Variants in TEX14 observed in about 807,000 individuals in gnomAD.
TEX14 encodes the protein testis expressed 14, intercellular bridge forming factor, also known as inactive serine/threonine-protein kinase TEX14.
In TEX14, 168 loss-of-function variants were observed where a neutral mutation model predicts 178.6. The observed-to-expected ratio is 0.94, with a 90% CI of 0.83 to 1.07. The LOEUF (loss-of-function observed/expected upper bound fraction) is 1.07, where lower values mean the gene tolerates loss of function less well. TEX14 is among the 50% of genes least tolerant of loss of function. The pLI is 0.00. For synonymous variants in TEX14, 626 were observed against 634.1 expected, an observed-to-expected ratio of 0.99 and a Z score of 0.19; for missense variants, 1,730 against 1,753.6, an observed-to-expected ratio of 0.99 and a Z score of 0.24.
chr17:58,659,695 T>A (rs1175361372), intron 1 of TEX14, among the ~76,000 whole-genome samples: 2 of 152,180 alleles, frequency 1.3e-5, no homozygotes, highest in Non-Finnish European at 2.9e-5. Context: ...CTTTTGTTAT[T>A]TTTTCAGAGA....
Position 58,617,585 on chromosome 17 carries a change from C to A in TEX14, c.589G>T (p.Ala197Ser). The A allele has an allele frequency of 6.2e-7, 1 of 1,613,774 alleles. No homozygotes were observed. Among genetic ancestry groups the A allele is most frequent in the Non-Finnish European group, 8.5e-7 (1 of 1,179,802 alleles). Residue 197 changes from alanine (A) to serine (S), a missense_variant, in exon 6 of 32, where the codon GCT becomes TCT. Physicochemically the swap from Ala to Ser is moderately conservative, Grantham distance 99. This residue lies in a region of TEX14 where 789 missense variants were observed against 681.2 expected (regional missense o/e 1.16). Transcript: ENST00000349033. ...PNGSPNRLLK[A>S]GVISAQNIYS... ...ATATTTTGAGCAGAAATGACTCCAG[C>A]TTTAAGCAGTCGGTTAGGAGAGCCA...
intron 5 of TEX14, among the ~76,000 whole-genome samples, chr17:58,617,824 CCCT>C (rs1477821255): frequency 6.6e-6 from 1 of 152,152 alleles, no homozygotes; most frequent in East Asian, 1.9e-4. Context: ...CTTGTGTAGC[CCCT>C]CACAGGTCAC....
rs748481153 is a variant in TEX14 at position 58,556,983 on chromosome 17, C to T, written c.*28G>A. The stretch of plus-strand genomic sequence containing the variant: ...ACAACCAGGACACTCAAACTCAGGC[C>T]AGGAGTCCGTCTATGATCCAATTCC... On this transcript the variant is annotated 3_prime_UTR_variant, in exon 32 of 32. Transcript: ENST00000349033. 6.2e-7 allele frequency: 1 copy of T among 1,602,158 alleles called. No individual in the cohort carries two copies. Among genetic ancestry groups the T allele is most frequent in the Non-Finnish European group, 8.6e-7 (1 of 1,169,224 alleles).
intron 2 of TEX14, among the ~76,000 whole-genome samples, chr17:58,650,786 T>A (rs1260260136): frequency 6.6e-6 from 1 of 152,186 alleles, no homozygotes; most frequent in African/African-American, 2.4e-5. Flanking sequence ...ATGAGAACTT[T>A]ATGAGAGAAC....
rs751894194 is a variant in TEX14 at position 58,605,871 on chromosome 17, A to C, written c.1185-742T>G. Among the ~76,000 whole-genome samples, 53 of 152,142 alleles carry C rather than the reference A, an allele frequency of 3.5e-4. 1 individual carries two copies. The highest frequency in any genetic ancestry group is 8.8e-5 in the Non-Finnish European group (6 of 68,026). ...CATTTAGTTTATCTGTCTCCCCTCC[A>C]TTCTAGAGAGTCAGCTCCATGAGAG... On this transcript the variant is annotated intron_variant, in intron 10 of 31. Transcript: ENST00000349033.
rs1415952350 is a variant in TEX14, at chr17:58,612,662, G to A, written c.1005+759C>T. On this transcript the variant is annotated intron_variant, in intron 9 of 31. Coordinates refer to ENST00000349033, the MANE Select transcript of TEX14 (RefSeq NM_031272.5). ...AGGCATGAGAATCGTTTGAACCAGG[G>A]AGGCAGAAGTTGCAGTGAGCAGAGA... Among the ~76,000 whole-genome samples, 13 of 151,130 alleles carry A rather than the reference G, an allele frequency of 8.6e-5. No individual in the cohort carries two copies. The East Asian group carries it at 2.1e-3, about 25-fold the overall frequency.
chr17:58,604,965 G>C lies in TEX14; in HGVS notation c.1336+13C>G, dbSNP rs2144493579. On this transcript the variant is annotated intron_variant, in intron 11 of 31. Transcript: ENST00000349033. ...ATAGGGACTTTGGTCAACCATTAAT[G>C]ATCTTGATCTACCTGTTAAAATCTC... 1.2e-6 allele frequency: 2 copies of C among 1,613,936 alleles called. No individual in the cohort carries two copies. The highest frequency in any genetic ancestry group is 4.5e-5 in the East Asian group (2 of 44,872).
chr17:58,588,404 A>T (rs910821098), intron 15 of TEX14, among the ~76,000 whole-genome samples: 10 of 152,128 alleles, frequency 6.6e-5, no homozygotes, highest in African/African-American at 2.4e-4. Flanking sequence ...AGCAATTCTC[A>T]TGCCTCAGCT....
intron 13 of TEX14, among the ~76,000 whole-genome samples, chr17:58,601,022 G>A (rs529581313): frequency 6.6e-6 from 1 of 152,186 alleles, no homozygotes; most frequent in Non-Finnish European, 1.5e-5. Context: ...GCGAAAGTGG[G>A]AGGACTGCTT....
At chr17:58,626,167 C>A (rs1480546892) in intron 3 of TEX14, among the ~76,000 whole-genome samples, 1 of 152,166 alleles carries the variant, frequency 6.6e-6, no homozygotes, top group Non-Finnish European at 1.5e-5. Flanking sequence ...AGATCCCTGA[C>A]CCTCCTCAGA....
chr17:58,606,899 G>A (rs1387419769), intron 10 of TEX14, among the ~76,000 whole-genome samples: 1 of 151,120 alleles, frequency 6.6e-6, no homozygotes, highest in East Asian at 1.9e-4. Context: ...ATGGTGGCAC[G>A]TGCCTGTAAT....
chr17:58,618,887 T>A (rs1024929050), intron 5 of TEX14, among the ~76,000 whole-genome samples: 12 of 152,224 alleles, frequency 7.9e-5, no homozygotes, highest in African/African-American at 2.9e-4. Flanking sequence ...CTTAGCACCA[T>A]TATTGATAGT....
intron 1 of TEX14, among the ~76,000 whole-genome samples, chr17:58,680,477 C>G (rs1450555790): frequency 2.0e-5 from 3 of 152,318 alleles, no homozygotes; most frequent in South Asian, 2.1e-4. Context: ...CGCTGTGACT[C>G]CTGCCTGTAA....
intron 7 of TEX14, 45 bp from the exon 8 acceptor site, chr17:58,615,390 A>G: frequency 8.7e-6 from 10 of 1,147,610 alleles, no homozygotes; most frequent in Non-Finnish European, 1.3e-5. Flanking sequence ...GTGAGCAGCC[A>G]CTTACTCCTT....
intron 13 of TEX14, 75 bp downstream of exon 13, chr17:58,601,731 C>T (rs2045451574): frequency 7.3e-7 from 1 of 1,365,502 alleles, no homozygotes; most frequent in Admixed American, 1.8e-5. Context: ...TTAGAGGAGT[C>T]AATTAGTTGC....
rs2044228685 is a variant in TEX14, at chr17:58,559,536, A to G, written c.4184T>C (p.Val1395Ala). The change falls in exon 30 of 32, where the codon GTT (valine) becomes GCT (alanine). Residue 1395 changes from valine to alanine, a missense_variant. Transcript: ENST00000349033. Reference protein sequence around the residue: ...ERETNIKDQKVGEEKRKREDS... With the variant: ...ERETNIKDQKAGEEKRKREDS... ...TTCCCTTTTTCTTTTCTCTTCACCA[A>G]CTTTTTGATCTTTGATATTTGTCTC... The G allele has an allele frequency of 6.4e-7, 1 of 1,568,356 alleles. No homozygotes were observed. The highest frequency in any genetic ancestry group is 8.8e-7 in the Non-Finnish European group (1 of 1,139,922).
At chr17:58,624,124 A>T (rs922401149) in intron 3 of TEX14, among the ~76,000 whole-genome samples, 6 of 152,020 alleles carry the variant, frequency 3.9e-5, no homozygotes, top group African/African-American at 1.2e-4. Flanking sequence ...TCTACTAAAA[A>T]TACAAAAAAA....
chr17:58,584,172 T>C (rs1470432402), intron 19 of TEX14, among the ~76,000 whole-genome samples: 1 of 152,226 alleles, frequency 6.6e-6, no homozygotes, highest in East Asian at 1.9e-4. Context: ...TACTCCTAAC[T>C]GACCTCAGTC....
Position 58,615,264 on chromosome 17 carries a change from G to C in TEX14, c.849C>G (p.Ala283=). 1 of 1,613,490 alleles carries C rather than the reference G, an allele frequency of 6.2e-7. No homozygotes were observed. Among genetic ancestry groups the C allele is most frequent in the Non-Finnish European group, 8.5e-7 (1 of 1,179,564 alleles). The stretch of plus-strand genomic sequence containing the variant: ...GTTCCTGCTCGGCAATTAACAAGTC[G>C]GCCAGCCGCAGCCTGCTGCAGTGTG... ...THPHCSRLRL[A]DLLIAEQEHS... The change falls in exon 8 of 32, where the codon GCC becomes GCG. Residue 283 remains alanine, a synonymous_variant. Transcript: ENST00000349033.
Sources: allele counts gnomAD v4.1 joint callset (sites outside exome capture counted in the v4.1 genomes callset), GRCh38; gene constraint gnomAD v4.1.1; regional missense constraint gnomAD v4.1.1; transcripts MANE v1.5; gene names NCBI Gene and HGNC (gene_info 2026-07-23, HGNC 2026-07-21).